VWC2L: variants seen among roughly 807,000 people sequenced by gnomAD.
The protein encoded by VWC2L is von Willebrand factor C domain-containing protein 2-like.
Under a neutral mutation model 21.6 loss-of-function variants are expected in VWC2L, and 10 were observed. That is an observed-to-expected ratio of 0.46 (90% CI 0.29 to 0.78). The LOEUF is 0.78. VWC2L is among the 30% of genes least tolerant of loss of function. The probability of loss-of-function intolerance (pLI) is 0.10; values close to 1 mark genes in which losing one functional copy is unlikely to be tolerated. For missense variants in VWC2L, 209 were observed against 277.1 expected (o/e 0.75, Z 1.74); for synonymous variants, 96 against 94.3 (o/e 1.02, Z -0.10).
intron 3 of VWC2L, among the ~76,000 whole-genome samples, chr2:214,531,927 T>A (rs1444637270): frequency 6.6e-6 from 1 of 152,156 alleles, no homozygotes; most frequent in Non-Finnish European, 1.5e-5. Context: ...AGTTCTGTAA[T>A]CTACAGTGTT....
intron 3 of VWC2L, among the ~76,000 whole-genome samples, chr2:214,508,332 A>T (rs2105904357): frequency 6.6e-6 from 1 of 152,094 alleles, no homozygotes; most frequent in East Asian, 1.9e-4. Context: ...AACTACAGAA[A>T]TTTTCTCTGG....
intron 3 of VWC2L, among the ~76,000 whole-genome samples, chr2:214,524,680 G>A (rs983464465): frequency 1.3e-5 from 2 of 152,252 alleles, no homozygotes; most frequent in South Asian, 2.1e-4. Context: ...ACTCTAGAAC[G>A]TAATTACAGC....
chr2:214,426,001 A>G (rs62198252), intron 2 of VWC2L, among the ~76,000 whole-genome samples: 35,773 of 151,346 alleles, frequency 0.24, 5,101 homozygotes, highest in African/African-American at 0.41. Flanking sequence ...GTGAAACCCC[A>G]TCTCTACTAA....
In VWC2L at chr2:214,543,998, T is replaced by C. The variant is rs76552032; in HGVS notation, c.521-31674T>C. On this transcript the variant is annotated intron_variant, in intron 3 of 3. Transcript: ENST00000312504. ...TACAGGAATGTTTTCTCTCTTACGA[T>C]TGTACTTGGCTATTCTGCAACCCTA... Among the ~76,000 whole-genome samples the C allele has an allele frequency of 1.9e-3, 289 of 152,342 alleles. 7 individuals carry two copies. In the East Asian group the frequency reaches 0.047, roughly 25 times the overall value.
chr2:214,421,210 C>A (rs1574555364), intron 2 of VWC2L, among the ~76,000 whole-genome samples: 1 of 152,282 alleles, frequency 6.6e-6, no homozygotes, highest in East Asian at 1.9e-4. Flanking sequence ...AAAAAATCTA[C>A]TTTTAAAATA....
chr2:214,556,161 G>A (rs1203865522), intron 3 of VWC2L, among the ~76,000 whole-genome samples: 1 of 152,202 alleles, frequency 6.6e-6, no homozygotes, highest in Non-Finnish European at 1.5e-5. Context: ...TCAGGGGGCT[G>A]AGGCAGGAGA....
At chr2:214,443,762 G>A (rs1702797404) in intron 3 of VWC2L, among the ~76,000 whole-genome samples, 1 of 152,090 alleles carries the variant, frequency 6.6e-6, no homozygotes, top group Non-Finnish European at 1.5e-5. Context: ...ATAAAGTCAG[G>A]AATAGACAAG....
intron 3 of VWC2L, among the ~76,000 whole-genome samples, chr2:214,551,097 A>G (rs1298722373): frequency 6.6e-6 from 1 of 152,194 alleles, no homozygotes. Context: ...AAAACTGTTG[A>G]ACTATGTTTT....
chr2:214,511,388 G>T (rs998766369), intron 3 of VWC2L, among the ~76,000 whole-genome samples: 3 of 152,184 alleles, frequency 2.0e-5, no homozygotes, highest in Non-Finnish European at 4.4e-5. Context: ...GTGACTGTCT[G>T]GAGATAGAGC....
intron 3 of VWC2L, among the ~76,000 whole-genome samples, chr2:214,558,035 GACATTGT>G (rs1239100642): frequency 6.6e-6 from 1 of 152,166 alleles, no homozygotes; most frequent in Non-Finnish European, 1.5e-5. Context: ...CCACTCCGCA[GACATTGT>G]ACTTGTCAAG....
rs558640938 is a variant in VWC2L at position 214,417,035 on chromosome 2, A to C, written c.390+2452A>C. The stretch of plus-strand genomic sequence containing the variant: ...CATACCTTTTTAAAATGCTCTACTT[A>C]TCCCTATGAACCATACAACTCTAAG... On this transcript the variant is annotated intron_variant, in intron 2 of 3. Transcript: ENST00000312504. Among the ~76,000 whole-genome samples, 3 of 152,232 alleles carry C rather than the reference A, an allele frequency of 2.0e-5. No individual in the cohort carries two copies. The South Asian group carries it at 6.2e-4, about 32-fold the overall frequency.
At chr2:214,429,575 TAAAC>T (rs1179539871) in intron 2 of VWC2L, among the ~76,000 whole-genome samples, 1 of 152,164 alleles carries the variant, frequency 6.6e-6, no homozygotes, top group Admixed American at 6.5e-5. Flanking sequence ...TGATTGCAAA[TAAAC>T]AGATATTATT....
intron 3 of VWC2L, among the ~76,000 whole-genome samples, chr2:214,536,475 G>A (rs752159259): frequency 1.4e-4 from 21 of 151,942 alleles, no homozygotes; most frequent in Non-Finnish European, 2.1e-4. Context: ...ATCCACCATC[G>A]GAAATTTGGT....
intron 3 of VWC2L, among the ~76,000 whole-genome samples, chr2:214,476,656 C>T (rs910117489): frequency 6.6e-6 from 1 of 152,168 alleles, no homozygotes; most frequent in African/African-American, 2.4e-5. Flanking sequence ...TGATTAAAAC[C>T]TGAAGCTGGC....
chr2:214,568,375 C>T (rs559593924), intron 3 of VWC2L, among the ~76,000 whole-genome samples: 3 of 152,270 alleles, frequency 2.0e-5, no homozygotes, highest in Non-Finnish European at 4.4e-5. Flanking sequence ...ATCACTACTG[C>T]TTCTAGAAGT....
intron 3 of VWC2L, among the ~76,000 whole-genome samples, chr2:214,495,240 C>A (rs1328706824): frequency 1.3e-5 from 2 of 152,144 alleles, no homozygotes; most frequent in African/African-American, 4.8e-5. Flanking sequence ...AATCCCTACT[C>A]CCCATCCTTT....
At chr2:214,571,543 T>G (rs1457436211) in intron 3 of VWC2L, among the ~76,000 whole-genome samples, 4 of 152,144 alleles carry the variant, frequency 2.6e-5, no homozygotes, top group Admixed American at 2.0e-4. Context: ...AGAAAATAAG[T>G]TCACTTCCAA....
At chr2:214,492,944 T>C (rs533984723) in intron 3 of VWC2L, among the ~76,000 whole-genome samples, 1 of 152,170 alleles carries the variant, frequency 6.6e-6, no homozygotes, top group African/African-American at 2.4e-5. Context: ...TCAGGTTTCA[T>C]TGGTCAAAGC....
intron 2 of VWC2L, among the ~76,000 whole-genome samples, chr2:214,417,300 C>CA (rs1702371768): frequency 6.6e-6 from 1 of 152,018 alleles, no homozygotes; most frequent in Non-Finnish European, 1.5e-5. Flanking sequence ...ATCTAGAAAC[C>CA]AAAATCTCTG....
Sources: allele counts gnomAD v4.1 joint callset (sites outside exome capture counted in the v4.1 genomes callset), GRCh38; gene constraint gnomAD v4.1.1; transcripts MANE v1.5; gene names NCBI Gene and HGNC (gene_info 2026-07-23, HGNC 2026-07-21).